Variants in PLCH1 observed in about 807,000 individuals in gnomAD.
The protein encoded by PLCH1 is phospholipase C eta 1, also known as 1-phosphatidylinositol 4,5-bisphosphate phosphodiesterase eta-1.
A neutral mutation model predicts 126.7 loss-of-function variants in PLCH1; 60 were observed. The observed-to-expected ratio is 0.47, with a 90% CI of 0.38 to 0.59. PLCH1 has a LOEUF of 0.59. Ranked by LOEUF, PLCH1 falls within the 20% of genes least tolerant of loss-of-function variation. The pLI is 0.00. For synonymous variants in PLCH1, 719 were observed against 734.9 expected (o/e 0.98, Z 0.35); for missense variants, 1,723 against 2,040.0 (o/e 0.84, Z 2.99).
At chr3:155,554,661 T>C (rs1269108228) in intron 8 of PLCH1, among the ~76,000 whole-genome samples, 1 of 152,230 alleles carries the variant, frequency 6.6e-6, no homozygotes, top group African/African-American at 2.4e-5. Context: ...ATGTTTTCAT[T>C]AGATTGATTT....
intron 1 of PLCH1, chr3:155,743,323 G>C (rs1210538798): frequency 2.3e-6 from 1 of 426,568 alleles, no homozygotes; most frequent in African/African-American, 2.1e-5. Context: ...CCTGAGGTCA[G>C]GAGTTCCAGA....
At chr3:155,581,440 G>A (rs1375513272) in intron 6 of PLCH1, among the ~76,000 whole-genome samples, 4 of 152,184 alleles carry the variant, frequency 2.6e-5, no homozygotes, top group Non-Finnish European at 5.9e-5. Context: ...ATGTGGTATA[G>A]TCATACAACG....
At chr3:155,662,341 A>G (rs1451571306) in intron 2 of PLCH1, among the ~76,000 whole-genome samples, 2 of 152,070 alleles carry the variant, frequency 1.3e-5, no homozygotes, top group African/African-American at 4.8e-5. Flanking sequence ...AGTGGTGCAC[A>G]CCTGTAGTTC....
chr3:155,529,926 C>A (rs775249133), intron 10 of PLCH1, among the ~76,000 whole-genome samples: 1 of 152,040 alleles, frequency 6.6e-6, no homozygotes. Flanking sequence ...ACCACCATGC[C>A]CAGCTAATTT....
intron 9 of PLCH1, among the ~76,000 whole-genome samples, chr3:155,550,962 T>C (rs1221372586): frequency 6.6e-6 from 1 of 152,144 alleles, no homozygotes; most frequent in African/African-American, 2.4e-5. Flanking sequence ...AGATGAGCCT[T>C]TGTGGCTGAG....
chr3:155,601,304 T>A (rs997014248), intron 2 of PLCH1, among the ~76,000 whole-genome samples: 4 of 152,138 alleles, frequency 2.6e-5, no homozygotes, highest in South Asian at 2.1e-4. Flanking sequence ...TTCAATTTTT[T>A]AAAATAATTA....
intron 2 of PLCH1, among the ~76,000 whole-genome samples, chr3:155,660,971 C>T (rs1742064247): frequency 6.6e-6 from 1 of 152,170 alleles, no homozygotes; most frequent in Non-Finnish European, 1.5e-5. Context: ...GGCTTTTAAA[C>T]AAAATGCCAC....
chr3:155,481,773 T>A lies in PLCH1; in HGVS notation c.4253A>T (p.Asp1418Val), dbSNP rs571631591. The A allele has an allele frequency of 1.6e-5, 26 of 1,614,108 alleles. 1 individual carries two copies. The South Asian group carries it at 2.7e-4, about 17-fold the overall frequency. The change falls in exon 23 of 23, where the codon GAT (aspartate) becomes GTT (valine). Residue 1418 changes from aspartate (D) to valine (V), a missense_variant. Around this residue, in one of 2 missense-constraint regions of PLCH1, gnomAD observed 947 missense variants for 977.1 expected, o/e 0.97. Transcript: ENST00000460012. This position sits in a 1 kb window ranked among gnomAD's most constrained non-coding sequence, Gnocchi z 4.2. ...ATAAGAAATACTTTGAGTTTTGACATCTTGAATATTGTTGAATATTTCAGG... is the reference window on the plus strand; with the variant it reads ...ATAAGAAATACTTTGAGTTTTGACAACTTGAATATTGTTGAATATTTCAGG... ...SVPEIFNNIQ[D>V]VKTQSISYLA...
At position 155,673,569 on chromosome 3, in the gene PLCH1, G is replaced by A. The variant is rs543215377; in HGVS notation, c.79+30577C>T. On this transcript the variant is annotated intron_variant, in intron 2 of 22. Coordinates refer to ENST00000460012, the MANE Select transcript of PLCH1 (RefSeq NM_014996.4). ...AGCAACTTCTAAAAGAAAAAAATCTGTATGACTGAGAAGGGTAGATACAGC... is the reference window on the plus strand; with the variant it reads ...AGCAACTTCTAAAAGAAAAAAATCTATATGACTGAGAAGGGTAGATACAGC... Among the ~76,000 whole-genome samples, 3 of 152,246 alleles carry A rather than the reference G, an allele frequency of 2.0e-5. No homozygotes were observed. In the South Asian group the frequency reaches 6.2e-4, roughly 32 times the overall value.
At chr3:155,544,494 C>T (rs1232902546) in intron 10 of PLCH1, among the ~76,000 whole-genome samples, 5 of 152,280 alleles carry the variant, frequency 3.3e-5, no homozygotes, top group African/African-American at 1.2e-4. Context: ...AGAAAGTTAA[C>T]AAGGATATCC....
At chr3:155,642,211 A>G (rs967930851) in intron 2 of PLCH1, among the ~76,000 whole-genome samples, 1 of 152,226 alleles carries the variant, frequency 6.6e-6, no homozygotes, top group South Asian at 2.1e-4. Flanking sequence ...ACGGTCACAC[A>G]GCCTGTAAGT....
At chr3:155,570,292 G>A (rs1729026387) in intron 6 of PLCH1, among the ~76,000 whole-genome samples, 1 of 152,116 alleles carries the variant, frequency 6.6e-6, no homozygotes, top group Admixed American at 6.5e-5. Context: ...GTTCAACATA[G>A]GTTAATGCTC....
At chr3:155,562,286 C>G (rs1349131396) in intron 8 of PLCH1, among the ~76,000 whole-genome samples, 1 of 152,180 alleles carries the variant, frequency 6.6e-6, no homozygotes. Context: ...GTGACTAAAT[C>G]CCATTGCAAT....
rs1745008092 is a variant in PLCH1 at position 155,687,045 on chromosome 3, T to C, written c.79+17101A>G. ...ATATAATAAAGCCTTCTGTCAATAGTCAAATTAGTTTTGGCTGCCAAAATT... is the reference window on the plus strand; with the variant it reads ...ATATAATAAAGCCTTCTGTCAATAGCCAAATTAGTTTTGGCTGCCAAAATT... On this transcript the variant is annotated intron_variant, in intron 2 of 22. Coordinates refer to ENST00000460012, the MANE Select transcript of PLCH1 (RefSeq NM_014996.4). 2.0e-5 allele frequency among the ~76,000 whole-genome samples: 3 copies of C among 152,200 alleles called. No individual in the cohort carries two copies. The South Asian group carries it at 6.2e-4, about 31-fold the overall frequency.
At chr3:155,651,479 G>A (rs935156267) in intron 2 of PLCH1, among the ~76,000 whole-genome samples, 15 of 152,252 alleles carry the variant, frequency 9.9e-5, no homozygotes, top group East Asian at 7.7e-4. Context: ...AGGGGGTGGC[G>A]TGGAGGAGTA....
intron 12 of PLCH1, among the ~76,000 whole-genome samples, chr3:155,510,669 T>A (rs1719318553): frequency 1.5e-5 from 1 of 66,372 alleles, no homozygotes; most frequent in African/African-American, 1.0e-4. Flanking sequence ...TCTTTAAGAA[T>A]GTTGAATATT....
chr3:155,471,282 C>G (rs1450594227), intron 21 of PLCH1, among the ~76,000 whole-genome samples: 2 of 152,136 alleles, frequency 1.3e-5, no homozygotes, highest in Non-Finnish European at 2.9e-5. Context: ...CAATCCTAGT[C>G]TCTGATAAAA....
At chr3:155,627,031 T>A (rs1395697328) in intron 2 of PLCH1, among the ~76,000 whole-genome samples, 2 of 152,052 alleles carry the variant, frequency 1.3e-5, no homozygotes, top group Non-Finnish European at 2.9e-5. Context: ...GAAAATACCC[T>A]TACTCATGGT....
chr3:155,608,867 C>G (rs1375950510), intron 2 of PLCH1, among the ~76,000 whole-genome samples: 1 of 152,214 alleles, frequency 6.6e-6, no homozygotes, highest in Admixed American at 6.5e-5. Flanking sequence ...TTAGAGCAAG[C>G]TTATATCCTC....
Sources: allele counts gnomAD v4.1 joint callset (sites outside exome capture counted in the v4.1 genomes callset), GRCh38; gene constraint gnomAD v4.1.1; regional missense constraint gnomAD v4.1.1; non-coding constraint Gnocchi (gnomAD v3.1); transcripts MANE v1.5; gene names NCBI Gene and HGNC (gene_info 2026-07-23, HGNC 2026-07-21).